The following PER2 variants were observed in gnomAD, a reference collection of about 807,000 sequenced individuals.
PER2 encodes period circadian regulator 2.
PER2 carries 66 observed loss-of-function variants against 121.0 expected under a neutral mutation model. That is an observed-to-expected ratio of 0.55 (90% CI 0.45 to 0.67). The LOEUF (loss-of-function observed/expected upper bound fraction) is 0.67. Ranked by LOEUF, PER2 falls within the 30% of genes least tolerant of loss-of-function variation. The pLI is 0.00. For synonymous variants in PER2, 684 were observed against 659.9 expected (o/e 1.04, Z -0.56); for missense variants, 1,521 against 1,635.0 (o/e 0.93, Z 1.20).
At chr2:238,267,474 C>G (rs752005336) in intron 8 of PER2, among the ~76,000 whole-genome samples, 1 of 152,142 alleles carries the variant, frequency 6.6e-6, no homozygotes, top group Non-Finnish European at 1.5e-5. Flanking sequence ...GCTGGGCATA[C>G]AGAGGCACAG....
chr2:238,259,353 G>C (rs1021783063), intron 14 of PER2, among the ~76,000 whole-genome samples: 5 of 152,248 alleles, frequency 3.3e-5, no homozygotes, highest in African/African-American at 1.2e-4. Context: ...TGTGCATGCT[G>C]TGTGAGAAAT....
At chr2:238,292,040 C>T (rs1409460715), upstream of PER2, among the ~76,000 whole-genome samples, 1 of 152,202 alleles carries the variant, frequency 6.6e-6, no homozygotes, top group Non-Finnish European at 1.5e-5. Context: ...TTCCTGTGGT[C>T]CCAGCCACTT....
chr2:238,252,801 G>T lies in PER2; in HGVS notation c.3111+111C>A. 1 of 955,006 alleles carries T rather than the reference G, an allele frequency of 1.0e-6. No individual in the cohort carries two copies. Among genetic ancestry groups the T allele is most frequent in the Non-Finnish European group, 1.7e-6 (1 of 590,880 alleles). 59.2% of individuals were successfully genotyped at this position (955,006 alleles called of 1,614,324 possible). ...TTCATGGCAAAACCTACAGGGTTTGGTGGAAACCTCAATCGTGTAACCCCC... is the reference window on the plus strand; with the variant it reads ...TTCATGGCAAAACCTACAGGGTTTGTTGGAAACCTCAATCGTGTAACCCCC... On this transcript the variant is annotated intron_variant, in intron 19 of 22. Transcript: ENST00000254657. This position sits in a 1 kb window ranked among gnomAD's most constrained non-coding sequence, Gnocchi z 4.2.
the PER2 span, among the ~76,000 whole-genome samples, chr2:238,295,211 GTTGTTGTTGTTGTT>G: frequency 1.4e-5 from 2 of 145,828 alleles, no homozygotes; most frequent in Admixed American, 1.3e-4. Context: ...CAAAGTTGTT[GTTGTTGTTGTTGTT>G]CTTCTTCTTC....
chr2:238,278,637 G>A (rs1388494076), intron 1 of PER2, among the ~76,000 whole-genome samples: 1 of 152,178 alleles, frequency 6.6e-6, no homozygotes, highest in African/African-American at 2.4e-5. Context: ...ATGGTGGGGT[G>A]GGGGAGCCGG....
rs910179890 is a variant in PER2 at position 238,288,583 on chromosome 2, C to G, written c.-254G>C. On this transcript the variant is annotated 5_prime_UTR_variant, in exon 1 of 23. Coordinates refer to ENST00000254657, the MANE Select transcript of PER2 (RefSeq NM_022817.3). ...GCCGGCGCTGGGACCCCGACCTGCC[C>G]GAGGCCCGCGCGCCGGCGGCGGTTA... is the stretch of plus-strand genomic sequence containing the variant. 1.5e-4 allele frequency: 22 copies of G among 151,466 alleles called. No homozygotes were observed. The highest frequency in any genetic ancestry group is 2.8e-4 in the Non-Finnish European group (19 of 67,786). The allele number at this position is 151,466 out of a possible 1,614,324, so 9.4% of individuals were successfully genotyped here.
rs1047667892 is a variant in PER2 at position 238,265,396 on chromosome 2, A to T, written c.1046+116T>A. 5.6e-6 allele frequency: 4 copies of T among 717,904 alleles called. No individual in the cohort carries two copies. In the African/African-American group the frequency reaches 7.1e-5, roughly 13 times the overall value. 44.5% of individuals were successfully genotyped at this position (717,904 alleles called of 1,614,324 possible). ...CATAATTATTTCATTGCCTGTATATAATTACATGTTTTTGTCCATTATCAT... is the reference window on the plus strand; with the variant it reads ...CATAATTATTTCATTGCCTGTATATTATTACATGTTTTTGTCCATTATCAT... On this transcript the variant is annotated intron_variant, in intron 9 of 22. Transcript: ENST00000254657.
chr2:238,278,352 A>AACC (rs2106325860), intron 1 of PER2, among the ~76,000 whole-genome samples: 1 of 152,308 alleles, frequency 6.6e-6, no homozygotes, highest in African/African-American at 2.4e-5. Context: ...ATTACAGGCC[A>AACC]ACCACACGCA....
chr2:238,258,845 G>T (rs60735990), intron 14 of PER2, among the ~76,000 whole-genome samples: 17,337 of 152,092 alleles, frequency 0.11, 1,296 homozygotes, highest in Admixed American at 0.18. Context: ...AGAGACCTGG[G>T]GGGGGAGCTG....
chr2:238,271,273 G>C (rs2304676), intron 6 of PER2, 39 bp downstream of exon 6: 1 of 1,576,400 alleles, frequency 6.3e-7, no homozygotes, highest in South Asian at 1.1e-5. Context: ...CCCCTTTCCC[G>C]ACCCCAGAGG....
chr2:238,258,536 C>A lies in PER2; in HGVS notation c.1736G>T (p.Cys579Phe), dbSNP rs754760710. The A allele has an allele frequency of 6.2e-7, 1 of 1,614,204 alleles. No homozygotes were observed. Among genetic ancestry groups the A allele is most frequent in the Non-Finnish European group, 8.5e-7 (1 of 1,180,024 alleles). ...CAAGCAGCTGATCTGCTGGTAGGAG[C>A]AGGTGGGCTGGTTCTTGCAGGCCAA... is the stretch of plus-strand genomic sequence containing the variant. ...EELACKNQPTCSYQQISCLDS... is the reference protein window; with the variant it reads ...EELACKNQPTFSYQQISCLDS... Residue 579 changes from cysteine to phenylalanine, a missense_variant, in exon 15 of 23, where the codon TGC (cysteine) becomes TTC (phenylalanine). Coordinates refer to ENST00000254657, the MANE Select transcript of PER2 (RefSeq NM_022817.3).
rs575531966 is a variant in PER2, at chr2:238,253,320, C to T, written c.2703G>A (p.Ala901=). The T allele has an allele frequency of 3.4e-5, 55 of 1,613,330 alleles. No individual in the cohort carries two copies. The highest frequency in any genetic ancestry group is 1.2e-4 in the African/African-American group (9 of 74,840). Residue 901 remains alanine, a synonymous_variant, in exon 19 of 23, where the codon GCG becomes GCA. Coordinates refer to ENST00000254657, the MANE Select transcript of PER2 (RefSeq NM_022817.3). This position sits in a 1 kb window ranked among gnomAD's most constrained non-coding sequence, Gnocchi z 5.6. ...VQPPPFPAPL[A]PVMAFMLPSY... ...TGGGTAGCATGAATGCCATGACAGG[C>T]GCCAAAGGGGCAGGGAAAGGTGGGG...
chr2:238,246,220 C>A lies in PER2; in HGVS notation c.*155G>T. On this transcript the variant is annotated 3_prime_UTR_variant, in exon 23 of 23. Coordinates refer to ENST00000254657, the MANE Select transcript of PER2 (RefSeq NM_022817.3). ...CCCACTCTCCACAGTTTTAAGTCGC[C>A]CCTTCAGAAAACTATGTTGTTTTTT... 1 of 499,708 alleles carries A rather than the reference C, an allele frequency of 2.0e-6. No individual in the cohort carries two copies. The highest frequency in any genetic ancestry group is 3.5e-6 in the Non-Finnish European group (1 of 287,306). The allele number at this position is 499,708 out of a possible 1,614,324, so 31.0% of individuals were successfully genotyped here. A position where few individuals can be genotyped will look rare whatever the true frequency, so the allele number is the denominator to read the frequency against.
chr2:238,286,512 T>G (rs1696794100), intron 1 of PER2, among the ~76,000 whole-genome samples: 1 of 148,460 alleles, frequency 6.7e-6, no homozygotes, highest in African/African-American at 2.5e-5. Context: ...TAGGGGGGAG[T>G]GCGTGGGCTG....
intron 5 of PER2, 152 bp from the exon 6 acceptor site, chr2:238,271,665 C>T (rs1696292559): frequency 5.9e-6 from 4 of 681,728 alleles, no homozygotes; most frequent in East Asian, 2.7e-5. Flanking sequence ...CCAAAAAATC[C>T]TATCTTGCCT....
Position 238,246,238 on chromosome 2 carries a change from T to C in PER2, c.*137A>G. On this transcript the variant is annotated 3_prime_UTR_variant, in exon 23 of 23. Coordinates refer to ENST00000254657, the MANE Select transcript of PER2 (RefSeq NM_022817.3). ...AAGTCGCCCCTTCAGAAAACTATGT[T>C]GTTTTTTTTTCTAAAACAAAAAAAG... 1.8e-6 allele frequency: 1 copy of C among 569,622 alleles called. No individual in the cohort carries two copies. The highest frequency in any genetic ancestry group is 2.9e-6 in the Non-Finnish European group (1 of 342,440). The allele number at this position is 569,622 out of a possible 1,614,324, so 35.3% of individuals were successfully genotyped here.
At position 238,256,053 on chromosome 2, in the gene PER2, G is replaced by A. The variant is rs910654961; in HGVS notation, c.2066-142C>T. 27 of 1,093,688 alleles carry A rather than the reference G, an allele frequency of 2.5e-5. No homozygotes were observed. The East Asian group carries it at 3.9e-4, about 16-fold the overall frequency. 67.7% of individuals were successfully genotyped at this position (1,093,688 alleles called of 1,614,324 possible). A position where few individuals can be genotyped will look rare whatever the true frequency, so the allele number is the denominator to read the frequency against. On this transcript the variant is annotated intron_variant, in intron 17 of 22. Coordinates refer to ENST00000254657, the MANE Select transcript of PER2 (RefSeq NM_022817.3). ...GTGGCATGAGGATGAGACTCACAGC[G>A]TTTTCATTTAGCTTTCTGAGAAAGT... is the stretch of plus-strand genomic sequence containing the variant.
intron 1 of PER2, among the ~76,000 whole-genome samples, chr2:238,286,696 T>C (rs1195343665): frequency 6.6e-6 from 1 of 152,218 alleles, no homozygotes; most frequent in Non-Finnish European, 1.5e-5. Flanking sequence ...CCAGAGCCTG[T>C]CTTTCTTCTG....
chr2:238,263,178 C>A (rs900992250), intron 9 of PER2, 120 bp from the exon 10 acceptor site: 10 of 703,328 alleles, frequency 1.4e-5, no homozygotes, highest in African/African-American at 9.1e-5. Flanking sequence ...CCCTCCCCCA[C>A]CCCCGGAGAT....
Sources: gnomAD v4.1 joint callset for allele counts (sites outside exome capture counted in the v4.1 genomes callset) on GRCh38, gnomAD v4.1.1 for gene constraint, Gnocchi (gnomAD v3.1) non-coding constraint, MANE v1.5 for transcripts, NCBI Gene and HGNC (gene_info 2026-07-23, HGNC 2026-07-21) for gene names.